FAT4: variants seen among roughly 807,000 people sequenced by gnomAD.
FAT4 encodes protocadherin Fat 4.
Under a neutral mutation model 303.9 loss-of-function variants are expected in FAT4, and 84 were observed. The observed-to-expected ratio is 0.28, with a 90% CI of 0.23 to 0.33. The LOEUF (loss-of-function observed/expected upper bound fraction) is 0.33, where lower values mean the gene tolerates loss of function less well. Among genes scored for constraint, FAT4 ranks in the 10% least tolerant of loss-of-function variants. The pLI, the probability that FAT4 is intolerant of heterozygous loss-of-function variation, is 1.00. For synonymous variants in FAT4, 2,307 were observed against 2,298.8 expected (o/e 1.00, Z -0.10); for missense variants, 6,005 against 6,146.8 (o/e 0.98, Z 0.77).
At chr4:125,330,768 C>T (rs1298545161) in intron 2 of FAT4, among the ~76,000 whole-genome samples, 3 of 152,150 alleles carry the variant, frequency 2.0e-5, no homozygotes, top group South Asian at 2.1e-4. Flanking sequence ...AGTCTAGCAA[C>T]CAGAGTGAGA....
intron 7 of FAT4, among the ~76,000 whole-genome samples, chr4:125,427,079 C>G (rs562357182): frequency 4.5e-4 from 68 of 151,950 alleles, no homozygotes; most frequent in Middle Eastern, 3.4e-3. Context: ...TTCAGAGTTT[C>G]AATAACTGTG....
Position 125,449,330 on chromosome 4 carries a change from A to T in FAT4, c.8320A>T (p.Arg2774Trp), listed in dbSNP as rs1267410504. ...TTTAGATGAAAATGATAATGCCCCT[A>T]GGTTTTCTCAGATATTTAGTGCCCA... ...NILDENDNAP[R>W]FSQIFSAHVP... The change falls in exon 10 of 18, where the codon AGG (arginine) becomes TGG (tryptophan). Residue 2774 changes from arginine to tryptophan, a missense_variant. Transcript: ENST00000394329. The T allele has an allele frequency of 1.2e-6, 2 of 1,613,926 alleles. No homozygotes were observed. Among genetic ancestry groups the T allele is most frequent in the Non-Finnish European group, 1.7e-6 (2 of 1,179,908 alleles).
chr4:125,371,330 G>T (rs1286623973), intron 2 of FAT4, among the ~76,000 whole-genome samples: 1 of 151,542 alleles, frequency 6.6e-6, no homozygotes, highest in Non-Finnish European at 1.5e-5. Flanking sequence ...CAAATAATTA[G>T]TTATACAAAT....
chr4:125,463,587 A>G lies in FAT4; in HGVS notation c.11825A>G (p.Asn3942Ser), dbSNP rs750196241. Residue 3942 changes from asparagine (N) to serine (S), a missense_variant, in exon 11 of 18, where the codon AAT becomes AGT. Transcript: ENST00000394329. ...GGGAAAATGTGTGAATCTTCAGTCAATTACTGTGAATGCAACCCCTGCTTT... is the reference window on the plus strand; with the variant it reads ...GGGAAAATGTGTGAATCTTCAGTCAGTTACTGTGAATGCAACCCCTGCTTT... ...YTGKMCESSV[N>S]YCECNPCFNG... 4.4e-6 allele frequency: 7 copies of G among 1,592,750 alleles called. No homozygotes were observed. Among genetic ancestry groups the G allele is most frequent in the Admixed American group, 3.4e-5 (2 of 58,764 alleles).
At chr4:125,402,567 A>G (rs1275508321) in intron 3 of FAT4, among the ~76,000 whole-genome samples, 2 of 152,022 alleles carry the variant, frequency 1.3e-5, no homozygotes, top group African/African-American at 2.4e-5. Context: ...TGAGGCATTC[A>G]TTTTACTAAA....
At chr4:125,479,951 A>G (rs1727166531) in intron 15 of FAT4, 86 bp downstream of exon 15, 1 of 1,042,942 alleles carries the variant, frequency 9.6e-7, no homozygotes, top group African/African-American at 1.6e-5. Context: ...ATCAAATTAA[A>G]AATTATGCTT....
chr4:125,320,664 C>T lies in FAT4; in HGVS notation c.4253C>T (p.Pro1418Leu), dbSNP rs1291518955. Residue 1418 changes from proline (P) to leucine (L), a missense_variant, in exon 2 of 18, where the codon CCT becomes CTT. Pro to Leu is a moderately conservative substitution (Grantham distance 98). Coordinates refer to ENST00000394329, the MANE Select transcript of FAT4 (RefSeq NM_001291303.3). The stretch of plus-strand genomic sequence containing the variant: ...GTGAGGGACTTTAATGACAATCCTC[C>T]TAGCTTTCCTCCTGGAGATATTTTC... ...IHVRDFNDNP[P>L]SFPPGDIFKS... 1 of 1,613,936 alleles carries T rather than the reference C, an allele frequency of 6.2e-7. No homozygotes were observed. The highest frequency in any genetic ancestry group is 1.7e-5 in the Admixed American group (1 of 60,020).
chr4:125,372,234 C>CA (rs1407392660), intron 2 of FAT4, among the ~76,000 whole-genome samples: 1 of 151,848 alleles, frequency 6.6e-6, no homozygotes, highest in Non-Finnish European at 1.5e-5. Context: ...TGGTGGTACA[C>CA]ACCTGCAGTT....
chr4:125,416,718 G>A (rs1019824527), intron 7 of FAT4, 96 bp downstream of exon 7: 1 of 1,246,942 alleles, frequency 8.0e-7, no homozygotes, highest in African/African-American at 1.5e-5. Context: ...GGCCAAGGTG[G>A]ATGGATTACT....
intron 4 of FAT4, among the ~76,000 whole-genome samples, chr4:125,407,900 C>A (rs1734683548): frequency 6.6e-6 from 1 of 152,020 alleles, no homozygotes; most frequent in African/African-American, 2.4e-5. Flanking sequence ...TTAGAAACTC[C>A]ATTTGGCAAA....
At chr4:125,411,867 TA>T (rs1404888779) in intron 5 of FAT4, among the ~76,000 whole-genome samples, 2 of 150,760 alleles carry the variant, frequency 1.3e-5, no homozygotes, top group Admixed American at 6.6e-5. Flanking sequence ...TATATATATA[TA>T]TATATGACGA....
intron 2 of FAT4, among the ~76,000 whole-genome samples, chr4:125,360,907 T>C (rs943401291): frequency 2.1e-5 from 3 of 144,506 alleles, no homozygotes; most frequent in Non-Finnish European, 3.0e-5. Context: ...AATTTTTTAT[T>C]TATTTATTAT....
intron 11 of FAT4, among the ~76,000 whole-genome samples, chr4:125,467,903 G>A (rs1380531883): frequency 6.6e-6 from 1 of 152,140 alleles, no homozygotes; most frequent in Non-Finnish European, 1.5e-5. Context: ...GGTAGCTCAT[G>A]CCTGTAATCC....
chr4:125,470,532 A>G (rs1487405068), intron 12 of FAT4, among the ~76,000 whole-genome samples: 1 of 152,174 alleles, frequency 6.6e-6, no homozygotes, highest in Non-Finnish European at 1.5e-5. Context: ...AACTTGCTGC[A>G]GCTTCTATAT....
rs1389223224 is a variant in FAT4, at chr4:125,451,333, G to T, written c.10323G>T (p.Arg3441Ser). 1 of 1,613,994 alleles carries T rather than the reference G, an allele frequency of 6.2e-7. No homozygotes were observed. The highest frequency in any genetic ancestry group is 1.7e-5 in the Admixed American group (1 of 59,994). Reference protein sequence around the residue: ...FDSDSIPSWSRFSYFIGSGNE... With the variant: ...FDSDSIPSWSSFSYFIGSGNE... ...CAGACTCCATCCCCAGCTGGAGCAG[G>T]TTTTCTTACTTCATCGGATCAGGGA... Residue 3441 changes from arginine (R) to serine (S), a missense_variant, in exon 10 of 18, where the codon AGG (arginine) becomes AGT (serine). By Grantham distance (110) the Arg-to-Ser change is moderately radical. Coordinates refer to ENST00000394329, the MANE Select transcript of FAT4 (RefSeq NM_001291303.3).
At chr4:125,381,328 G>C (rs1171313622) in intron 2 of FAT4, among the ~76,000 whole-genome samples, 2 of 152,070 alleles carry the variant, frequency 1.3e-5, no homozygotes, top group Non-Finnish European at 2.9e-5. Flanking sequence ...GTAGCTACTT[G>C]AATTTTTGAT....
intron 2 of FAT4, among the ~76,000 whole-genome samples, chr4:125,360,030 G>A (rs1224288857): frequency 6.6e-6 from 1 of 152,042 alleles, no homozygotes; most frequent in Non-Finnish European, 1.5e-5. Context: ...AAATTCAAGT[G>A]TCCTAAACTG....
intron 7 of FAT4, among the ~76,000 whole-genome samples, chr4:125,417,582 A>G (rs2126029897): frequency 6.6e-6 from 1 of 152,288 alleles, no homozygotes; most frequent in East Asian, 1.9e-4. Context: ...AGAGTTATGG[A>G]GGATTCTAAG....
intron 2 of FAT4, among the ~76,000 whole-genome samples, chr4:125,391,842 T>G (rs1733988921): frequency 6.6e-6 from 1 of 152,306 alleles, no homozygotes; most frequent in Middle Eastern, 3.4e-3. Context: ...AATACATCTT[T>G]ATATGCCAGT....
Sources: gnomAD v4.1 joint callset for allele counts (sites outside exome capture counted in the v4.1 genomes callset) on GRCh38, gnomAD v4.1.1 for gene constraint, MANE v1.5 for transcripts, NCBI Gene and HGNC (gene_info 2026-07-23, HGNC 2026-07-21) for gene names.